XYLT1: variants seen among roughly 807,000 people sequenced by gnomAD.
XYLT1 encodes the protein xylosyltransferase 1, also known as beta-D-xylosyltransferase 1.
Under a neutral mutation model 91.3 loss-of-function variants are expected in XYLT1, and 36 were observed. The ratio of observed to expected loss-of-function variants is 0.39; its 90% confidence interval spans 0.30 to 0.52. XYLT1 has a LOEUF of 0.52. Ranked by LOEUF, XYLT1 falls within the 20% of genes least tolerant of loss-of-function variation. The probability of loss-of-function intolerance (pLI) is 0.68; values close to 1 mark genes in which losing one functional copy is unlikely to be tolerated. For missense variants in XYLT1, 1,242 were observed against 1,284.5 expected (o/e 0.97, Z 0.51); for synonymous variants, 588 against 532.0 (o/e 1.11, Z -1.45).
rs531074600 is a variant in XYLT1 at position 17,431,792 on chromosome 16, G to C, written c.363+38642C>G. Among the ~76,000 whole-genome samples, 6 of 152,338 alleles carry C rather than the reference G, an allele frequency of 3.9e-5. No homozygotes were observed. The South Asian group carries it at 1.2e-3, about 32-fold the overall frequency. ...GCTAAATTAGCAACAGCGTGACACA[G>C]AGCATTTTTTATAAAAGCGAATCCT... On this transcript the variant is annotated intron_variant, in intron 1 of 11. Coordinates refer to ENST00000261381, the MANE Select transcript of XYLT1 (RefSeq NM_022166.4).
In XYLT1 at chr16:17,275,734, C is replaced by T. The variant is rs572964750; in HGVS notation, c.403-16236G>A. ...CCTCTTGTCCTAACCATCATCCTTC[C>T]TCCCCAACATTCTCCGATCCAGGTC... On this transcript the variant is annotated intron_variant, in intron 2 of 11. Transcript: ENST00000261381. Among the ~76,000 whole-genome samples, 3 of 152,300 alleles carry T rather than the reference C, an allele frequency of 2.0e-5. No individual in the cohort carries two copies. The East Asian group carries it at 5.8e-4, about 29-fold the overall frequency.
At chr16:17,181,385 A>C (rs915315293) in intron 5 of XYLT1, among the ~76,000 whole-genome samples, 2 of 152,220 alleles carry the variant, frequency 1.3e-5, no homozygotes, top group Non-Finnish European at 2.9e-5. Flanking sequence ...GAGAATAAGG[A>C]AAGTGACCAC....
intron 2 of XYLT1, among the ~76,000 whole-genome samples, chr16:17,273,125 G>A (rs994239548): frequency 6.6e-6 from 1 of 152,152 alleles, no homozygotes; most frequent in African/African-American, 2.4e-5. Context: ...AATTATCCAG[G>A]CCAGGAGCCT....
At position 17,259,281 on chromosome 16, in the gene XYLT1, G is replaced by C. The variant is rs747117982; in HGVS notation, c.620C>G (p.Thr207Arg). ...LEQQEKGKGH[T>R]FPGKGPGEVL... ...CTCACCGGGGCCTTTCCCAGGGAAT[G>C]TATGTCCTTTTCCTTTCTCCTGCTG... Residue 207 changes from threonine to arginine, a missense_variant, in exon 3 of 12, where the codon ACA (threonine) becomes AGA (arginine). By Grantham distance (71) the Thr-to-Arg change is moderately conservative. Transcript: ENST00000261381. The C allele has an allele frequency of 1.2e-6, 2 of 1,614,144 alleles. No individual in the cohort carries two copies. Among genetic ancestry groups the C allele is most frequent in the Non-Finnish European group, 1.7e-6 (2 of 1,180,028 alleles).
At chr16:17,294,430 C>T (rs774880081) in intron 2 of XYLT1, among the ~76,000 whole-genome samples, 15 of 152,286 alleles carry the variant, frequency 9.8e-5, no homozygotes, top group Middle Eastern at 3.4e-3. Context: ...TAACTAAACA[C>T]TATTTTTATC....
chr16:17,279,181 T>C (rs2034021127), intron 2 of XYLT1, among the ~76,000 whole-genome samples: 1 of 152,196 alleles, frequency 6.6e-6, no homozygotes. Context: ...ATCAGGAGCA[T>C]GAATGCTAAA....
At chr16:17,329,303 C>A (rs2034861470) in intron 2 of XYLT1, among the ~76,000 whole-genome samples, 2 of 152,316 alleles carry the variant, frequency 1.3e-5, no homozygotes, top group Middle Eastern at 3.4e-3. Context: ...TTATTTCAAT[C>A]CACCACTCTG....
At chr16:17,371,071 T>C (rs535599796) in intron 1 of XYLT1, among the ~76,000 whole-genome samples, 8 of 152,244 alleles carry the variant, frequency 5.3e-5, no homozygotes, top group Non-Finnish European at 1.2e-4. Flanking sequence ...ATATGAACCA[T>C]AGACAGGTTG....
intron 1 of XYLT1, among the ~76,000 whole-genome samples, chr16:17,392,591 C>A (rs2035833671): frequency 6.6e-6 from 1 of 151,938 alleles, no homozygotes; most frequent in South Asian, 2.1e-4. Context: ...GAAAGGAAAC[C>A]CCTTCTCTCT....
At chr16:17,239,418 A>ATG (rs1292316144) in intron 3 of XYLT1, among the ~76,000 whole-genome samples, 1 of 145,582 alleles carries the variant, frequency 6.9e-6, no homozygotes, top group Non-Finnish European at 1.5e-5. Flanking sequence ...CCATCCATCC[A>ATG]TGATCCATCC....
At chr16:17,400,426 C>A (rs2035947823) in intron 1 of XYLT1, among the ~76,000 whole-genome samples, 1 of 151,986 alleles carries the variant, frequency 6.6e-6, no homozygotes, top group Non-Finnish European at 1.5e-5. Context: ...CCTGTCTCTA[C>A]TAAAAATACA....
At chr16:17,394,378 G>A (rs1596522642) in intron 1 of XYLT1, among the ~76,000 whole-genome samples, 1 of 152,168 alleles carries the variant, frequency 6.6e-6, no homozygotes. Flanking sequence ...CTCCATGGGA[G>A]GCAGCGGTGG....
chr16:17,164,903 G>C (rs1418417526), intron 5 of XYLT1, among the ~76,000 whole-genome samples: 1 of 152,166 alleles, frequency 6.6e-6, no homozygotes, highest in Non-Finnish European at 1.5e-5. Context: ...AGGACTTTTA[G>C]TTTTAAAACT....
intron 1 of XYLT1, among the ~76,000 whole-genome samples, chr16:17,366,185 A>G (rs1211901338): frequency 1.3e-5 from 2 of 151,780 alleles, no homozygotes; most frequent in South Asian, 2.1e-4. Context: ...TAAGAACAGA[A>G]GATTTAGCAA....
At chr16:17,444,784 G>A (rs868804432) in intron 1 of XYLT1, among the ~76,000 whole-genome samples, 32 of 152,268 alleles carry the variant, frequency 2.1e-4, no homozygotes, top group African/African-American at 3.6e-4. Flanking sequence ...CAGATGTGTC[G>A]CAAGAACCTA....
At chr16:17,392,377 C>A (rs1233692691) in intron 1 of XYLT1, among the ~76,000 whole-genome samples, 1 of 152,166 alleles carries the variant, frequency 6.6e-6, no homozygotes, top group Non-Finnish European at 1.5e-5. Context: ...CCAAATGTCA[C>A]CTCCCTCAGG....
At chr16:17,353,995 C>T (rs6498691) in intron 2 of XYLT1, among the ~76,000 whole-genome samples, 52,717 of 152,034 alleles carry the variant, frequency 0.35, 9,634 homozygotes, top group Middle Eastern at 0.43. Flanking sequence ...CCTGTGTAAC[C>T]ATGGCATTTG....
intron 5 of XYLT1, among the ~76,000 whole-genome samples, chr16:17,172,466 C>CT (rs1157952692): frequency 0.43 from 43,847 of 102,944 alleles, 10,977 homozygotes; most frequent in East Asian, 0.57. Context: ...GCGTTCATTT[C>CT]TTTTTTTTTT....
rs11644173 is a variant in XYLT1 at position 17,106,816 on chromosome 16, A to G, written c.*1879T>C. ...AGTGAGGCTGACACTCTGCATAAGG[A>G]AAAAAACAAGGCTCCAACGGTCCCC... is the stretch of plus-strand genomic sequence containing the variant. On this transcript the variant is annotated 3_prime_UTR_variant, in exon 12 of 12. Transcript: ENST00000261381. 0.2 allele frequency: 30,084 copies of G among 151,900 alleles called. 3,736 individuals are homozygous for G. The highest frequency in any genetic ancestry group is 0.3 in the South Asian group (1,437 of 4,794). The allele number at this position is 151,900 out of a possible 1,614,324, so 9.4% of individuals were successfully genotyped here. A position where few individuals can be genotyped will look rare whatever the true frequency, so the allele number is the denominator to read the frequency against.
Sources: gnomAD v4.1 joint callset for allele counts (sites outside exome capture counted in the v4.1 genomes callset) on GRCh38, gnomAD v4.1.1 for gene constraint, MANE v1.5 for transcripts, NCBI Gene and HGNC (gene_info 2026-07-23, HGNC 2026-07-21) for gene names.